The following SCMH1 variants were observed in gnomAD, a reference collection of about 807,000 sequenced individuals.
The protein encoded by SCMH1 is polycomb protein SCMH1.
Under a neutral mutation model 70.8 loss-of-function variants are expected in SCMH1, and 37 were observed. That is an observed-to-expected ratio of 0.52 (90% confidence interval 0.40 to 0.69). The LOEUF (loss-of-function observed/expected upper bound fraction) is 0.69. Ranked by LOEUF, SCMH1 falls within the 30% of genes least tolerant of loss-of-function variation. SCMH1 has a pLI of 0.00. For missense variants in SCMH1, 607 were observed against 827.3 expected (o/e 0.73, Z 3.27); for synonymous variants, 292 against 307.4 (o/e 0.95, Z 0.52).
At chr1:41,097,501 C>T (rs1397014065) in intron 8 of SCMH1, among the ~76,000 whole-genome samples, 1 of 152,174 alleles carries the variant, frequency 6.6e-6, no homozygotes. Flanking sequence ...CAGGGTGTCA[C>T]TCTGTCACCC....
chr1:41,028,593 A>T, exon 14 of SCMH1: 3 of 1,614,134 alleles, frequency 1.9e-6, no homozygotes, highest in Non-Finnish European at 1.7e-6. Flanking sequence ...CGTGTTTGCG[A>T]AACAGGTCAG....
chr1:41,144,601 C>T (rs1258060794), intron 5 of SCMH1, among the ~76,000 whole-genome samples: 1 of 152,042 alleles, frequency 6.6e-6, no homozygotes, highest in African/African-American at 2.4e-5. Flanking sequence ...GTTTTCTATT[C>T]TCTTACGTAT....
At position 41,113,549 on chromosome 1, in the gene SCMH1, C is replaced by G; in HGVS notation, c.502-23G>C. On this transcript the variant is annotated intron_variant, in intron 7 of 14. Coordinates refer to ENST00000337495, the Ensembl canonical transcript of SCMH1. The surrounding 1 kb of genome is among the most constrained non-coding windows in gnomAD (Gnocchi z 4.3). ...CTCCTAGATGAGAAACAGAAACATA[C>G]ACACCTAGACACAAAGAGAGGCCAT... 6.3e-7 allele frequency: 1 copy of G among 1,590,798 alleles called. No homozygotes were observed. The highest frequency in any genetic ancestry group is 1.1e-5 in the South Asian group (1 of 87,400).
At chr1:41,177,982 CAG>C (rs1377392246) in intron 2 of SCMH1, among the ~76,000 whole-genome samples, 1 of 152,106 alleles carries the variant, frequency 6.6e-6, no homozygotes, top group Non-Finnish European at 1.5e-5. Flanking sequence ...TAATGGCAGC[CAG>C]AGAGAAAGGT....
chr1:41,074,207 A>G (rs1227053392), intron 9 of SCMH1, among the ~76,000 whole-genome samples: 3 of 152,032 alleles, frequency 2.0e-5, no homozygotes, highest in Non-Finnish European at 1.5e-5. Flanking sequence ...CAATACTAGA[A>G]TACTAGAAGT....
rs1178636853 is a variant in SCMH1 at position 41,070,598 on chromosome 1, T to C, written c.1102A>G (p.Thr368Ala). The C allele has an allele frequency of 1.2e-6, 2 of 1,613,964 alleles. No homozygotes were observed. Among genetic ancestry groups the C allele is most frequent in the East Asian group, 2.2e-5 (1 of 44,888 alleles). The change falls in exon 10 of 15, where the codon ACA (threonine) becomes GCA (alanine). Residue 368 changes from threonine (T) to alanine (A), a missense_variant. Thr to Ala is a moderately conservative substitution (Grantham distance 58, BLOSUM62 0). This residue lies in a region of SCMH1 where 430 missense variants were observed against 528.2 expected (regional missense o/e 0.81). Coordinates refer to ENST00000337495, the Ensembl canonical transcript of SCMH1. The stretch of plus-strand genomic sequence containing the variant: ...TAGTCCTGTCATCTGCTCTTACCTG[T>C]TGGGGCCTGCATGGCTGAGCTGGGG...
At chr1:41,047,645 G>A (rs577193108) in intron 11 of SCMH1, among the ~76,000 whole-genome samples, 2 of 151,760 alleles carry the variant, frequency 1.3e-5, no homozygotes, top group African/African-American at 2.4e-5. Context: ...CAGGTGATCC[G>A]CCCACCTCAG....
exon 14 of SCMH1, chr1:41,028,665 T>C (rs1363722079): frequency 4.3e-6 from 7 of 1,614,048 alleles, no homozygotes; most frequent in African/African-American, 1.3e-5. Flanking sequence ...CGACTGTCCA[T>C]GAGGAGGGGT....
At chr1:41,167,567 A>T (rs1211831833) in intron 2 of SCMH1, among the ~76,000 whole-genome samples, 2 of 152,118 alleles carry the variant, frequency 1.3e-5, no homozygotes, top group Admixed American at 6.5e-5. Flanking sequence ...GACTATTCAG[A>T]TTTCCAACTG....
chr1:41,186,161 G>T (rs767401038), exon 2 of SCMH1: 21 of 1,355,116 alleles, frequency 1.5e-5, no homozygotes, highest in Non-Finnish European at 1.0e-5. Context: ...CCGGTCTAGG[G>T]GTTAAGAAGT....
intron 5 of SCMH1, among the ~76,000 whole-genome samples, chr1:41,143,764 T>C (rs1184257149): frequency 6.6e-6 from 1 of 152,216 alleles, no homozygotes; most frequent in Non-Finnish European, 1.5e-5. Flanking sequence ...CCAGGACCTC[T>C]GCACCCAGGC....
At chr1:41,146,423 C>T (rs565541033) in intron 5 of SCMH1, among the ~76,000 whole-genome samples, 11 of 152,196 alleles carry the variant, frequency 7.2e-5, no homozygotes, top group Non-Finnish European at 1.5e-4. Context: ...ATAACGTTGA[C>T]AGTGGTACGC....
intron 6 of SCMH1, among the ~76,000 whole-genome samples, chr1:41,130,333 C>T (rs1674335752): frequency 6.6e-6 from 1 of 151,906 alleles, no homozygotes; most frequent in African/African-American, 2.4e-5. Flanking sequence ...CTGTGGGCTG[C>T]CTTTTCACTA....
chr1:41,102,865 C>G (rs541388200), intron 8 of SCMH1, among the ~76,000 whole-genome samples: 38 of 152,230 alleles, frequency 2.5e-4, no homozygotes, highest in Non-Finnish European at 5.1e-4. Flanking sequence ...GTCAGCCACA[C>G]AGTCAAAAAC....
At chr1:41,207,346 T>G (rs943683119) in intron 1 of SCMH1, among the ~76,000 whole-genome samples, 2 of 151,914 alleles carry the variant, frequency 1.3e-5, no homozygotes, top group African/African-American at 2.4e-5. Flanking sequence ...TGGAGGAAGA[T>G]CTACCAAGCA....
chr1:41,152,562 AGGT>A, intron 4 of SCMH1: 1 of 1,606,724 alleles, frequency 6.2e-7, no homozygotes, highest in Non-Finnish European at 8.5e-7. Flanking sequence ...CTTTATTTAA[AGGT>A]TAAACCAATT....
intron 2 of SCMH1, among the ~76,000 whole-genome samples, chr1:41,176,661 G>A (rs1033316199): frequency 1.4e-4 from 21 of 152,192 alleles, no homozygotes; most frequent in African/African-American, 4.8e-4. Flanking sequence ...TGCTAGCACA[G>A]CAGTCTGAGA....
intron 8 of SCMH1, among the ~76,000 whole-genome samples, chr1:41,104,761 C>T (rs1358388775): frequency 6.6e-6 from 1 of 152,090 alleles, no homozygotes; most frequent in Non-Finnish European, 1.5e-5. Flanking sequence ...AGAGACCACA[C>T]CCTCCTGGTT....
chr1:41,057,380 C>A (rs1404603697), intron 10 of SCMH1, among the ~76,000 whole-genome samples: 5 of 152,112 alleles, frequency 3.3e-5, no homozygotes, highest in Non-Finnish European at 2.9e-5. Context: ...ATTCTCCTGC[C>A]TCAGCCTCCA....
Sources: gnomAD v4.1 joint callset for allele counts (sites outside exome capture counted in the v4.1 genomes callset) on GRCh38, gnomAD v4.1.1 for gene constraint, gnomAD v4.1.1 regional missense constraint, Gnocchi (gnomAD v3.1) non-coding constraint, MANE v1.5 for transcripts, NCBI Gene and HGNC (gene_info 2026-07-23, HGNC 2026-07-21) for gene names.